Variants in LY75 observed in about 807,000 individuals in gnomAD.
LY75 encodes the protein C-type lectin domain family 13 member B.
A neutral mutation model predicts 231.7 loss-of-function variants in LY75; 185 were observed. The observed-to-expected ratio is 0.80, with a 90% CI of 0.71 to 0.90. The LOEUF (loss-of-function observed/expected upper bound fraction) is 0.90. Ranked by LOEUF, LY75 falls within the 40% of genes least tolerant of loss-of-function variation. The pLI is 0.00. For missense variants in LY75, 1,947 were observed against 2,050.2 expected, an observed-to-expected ratio of 0.95 and a Z score of 0.97; for synonymous variants, 668 against 689.0, an observed-to-expected ratio of 0.97 and a Z score of 0.48.
chr2:159,835,179 G>C (rs1683782161), intron 26 of LY75, among the ~76,000 whole-genome samples: 1 of 152,138 alleles, frequency 6.6e-6, no homozygotes, highest in Admixed American at 6.5e-5. Flanking sequence ...ACAAATGTAA[G>C]CTTTCTACAA....
intron 32 of LY75, among the ~76,000 whole-genome samples, chr2:159,809,583 G>A (rs772645328): frequency 5.3e-5 from 8 of 152,106 alleles, no homozygotes; most frequent in African/African-American, 9.6e-5. Context: ...AGGTAAAACC[G>A]TTTCCAATCA....
intron 18 of LY75, 62 bp from the exon 19 acceptor site, chr2:159,853,759 G>T: frequency 6.2e-7 from 1 of 1,602,106 alleles, no homozygotes; most frequent in South Asian, 1.1e-5. Flanking sequence ...GTTTTGATTC[G>T]AATACATTGT....
intron 1 of LY75, 110 bp downstream of exon 1, chr2:159,904,479 A>C: frequency 8.1e-7 from 1 of 1,234,930 alleles, no homozygotes; most frequent in Non-Finnish European, 1.1e-6. Context: ...CCCAACAGCA[A>C]AGCAGCCGTG....
rs1406449571 is a variant in LY75 at position 159,816,887 on chromosome 2, G to A, written c.4299C>T (p.His1433=). ...SQSGGHLASV[H]NQNGQLFLED... is the part of the protein sequence containing the mutation. Reference sequence around the variant, plus strand: ...CCAGAAAGAGCTGGCCATTTTGGTTGTGAACGCTTGCCAAGTGACCTCCAC... The same window carrying A: ...CCAGAAAGAGCTGGCCATTTTGGTTATGAACGCTTGCCAAGTGACCTCCAC... The change falls in exon 30 of 35, where the codon CAC becomes CAT. Residue 1433 remains histidine (H), a synonymous_variant. Transcript: ENST00000263636. The A allele has an allele frequency of 1.2e-6, 2 of 1,614,170 alleles. No individual in the cohort carries two copies. Among genetic ancestry groups the A allele is most frequent in the African/African-American group, 2.7e-5 (2 of 75,040 alleles).
At chr2:159,808,839 C>G (rs1412150414) in intron 32 of LY75, among the ~76,000 whole-genome samples, 2 of 152,106 alleles carry the variant, frequency 1.3e-5, no homozygotes, top group Non-Finnish European at 2.9e-5. Flanking sequence ...ACTGCCTACC[C>G]CTGAGACCTC....
chr2:159,890,475 T>A, intron 3 of LY75, 98 bp from the exon 4 acceptor site: 1 of 1,527,616 alleles, frequency 6.5e-7, no homozygotes, highest in Non-Finnish European at 8.9e-7. Context: ...TGCATACTCT[T>A]AGGATATGCC....
chr2:159,859,868 A>G (rs1467871662), intron 15 of LY75, among the ~76,000 whole-genome samples: 2 of 152,206 alleles, frequency 1.3e-5, no homozygotes, highest in African/African-American at 4.8e-5. Context: ...AATCAGTGTT[A>G]GCTGCTCCAT....
intron 2 of LY75, among the ~76,000 whole-genome samples, chr2:159,896,997 C>A (rs1685924441): frequency 6.6e-6 from 1 of 152,146 alleles, no homozygotes. Flanking sequence ...TTGCTTAGCT[C>A]TCTCTGGGTG....
intron 25 of LY75, among the ~76,000 whole-genome samples, chr2:159,837,600 T>C (rs1463323562): frequency 6.7e-6 from 1 of 150,334 alleles, no homozygotes; most frequent in Non-Finnish European, 1.5e-5. Flanking sequence ...CCACAGTGTA[T>C]GTATTGTAAC....
At chr2:159,856,736 AATTG>A (rs1684559200) in intron 16 of LY75, among the ~76,000 whole-genome samples, 1 of 152,112 alleles carries the variant, frequency 6.6e-6, no homozygotes, top group African/African-American at 2.4e-5. Context: ...TTGTTCGATT[AATTG>A]ATTTATATTT....
chr2:159,883,312 GTT>G (rs1685495023), intron 6 of LY75, among the ~76,000 whole-genome samples: 2 of 151,606 alleles, frequency 1.3e-5, no homozygotes, highest in Non-Finnish European at 2.9e-5. Flanking sequence ...AATGTGGACA[GTT>G]TGTTTTTTTT....
chr2:159,817,101 C>G, intron 29 of LY75, 69 bp from the exon 30 acceptor site: 1 of 1,415,384 alleles, frequency 7.1e-7, no homozygotes, highest in Non-Finnish European at 9.4e-7. Context: ...GATGAGACAA[C>G]ATGCAATCAT....
chr2:159,848,091 T>TACACACACACACACACACACACAC (rs1427865594), intron 23 of LY75, among the ~76,000 whole-genome samples: 1 of 8,286 alleles, frequency 1.2e-4, no homozygotes, highest in African/African-American at 3.7e-4. Context: ...TATATATATA[T>TACACACACACACACACACACACAC]ATACACACAC....
rs796940571 is a variant in LY75, at chr2:159,850,789, T to TATATATATATATATATAAAA, written c.2884-323_2884-322insTTTTATATATATATATATAT. Among the ~76,000 whole-genome samples the TATATATATATATATATAAAA allele has an allele frequency of 1.5e-3, 134 of 88,662 alleles. 5 individuals carry two copies. Among genetic ancestry groups the TATATATATATATATATAAAA allele is most frequent in the Non-Finnish European group, 2.7e-3 (104 of 38,300 alleles). The allele number at this position is 88,662 out of a possible 152,430, so 58.2% of individuals were successfully genotyped here. A position where few individuals can be genotyped will look rare whatever the true frequency, so the allele number is the denominator to read the frequency against. On this transcript the variant is annotated intron_variant, in intron 21 of 34. Coordinates refer to ENST00000263636, the MANE Select transcript of LY75 (RefSeq NM_002349.4). ...TCAAACTTTCATATATATATATATA[T>TATATATATATATATATAAAA]ATATATATATTATATCTTATATATA...
At chr2:159,876,181 T>G (rs532653139) in intron 11 of LY75, among the ~76,000 whole-genome samples, 2 of 152,202 alleles carry the variant, frequency 1.3e-5, no homozygotes, top group African/African-American at 4.8e-5. Flanking sequence ...CATAATTTTA[T>G]GTATTCATAA....
At chr2:159,887,282 G>A (rs12692572) in intron 4 of LY75, among the ~76,000 whole-genome samples, 61,471 of 148,270 alleles carry the variant, frequency 0.41, 13,303 homozygotes, top group South Asian at 0.68. Flanking sequence ...ATTCAAATTT[G>A]TTATTTGATG....
intron 23 of LY75, among the ~76,000 whole-genome samples, chr2:159,848,068 GTA>G (rs557189751): frequency 0.015 from 1,899 of 123,848 alleles, 118 homozygotes; most frequent in African/African-American, 0.06. Context: ...ATTATGGTGT[GTA>G]TATATATATA....
At chr2:159,813,646 CT>C (rs1386167601) in intron 31 of LY75, among the ~76,000 whole-genome samples, 1 of 152,086 alleles carries the variant, frequency 6.6e-6, no homozygotes, top group Admixed American at 6.5e-5. Flanking sequence ...CTGTATCTCC[CT>C]CTTATAAGGA....
intron 4 of LY75, among the ~76,000 whole-genome samples, chr2:159,887,100 C>A (rs1359811191): frequency 2.7e-5 from 4 of 147,838 alleles, no homozygotes; most frequent in African/African-American, 9.9e-5. Context: ...GTTTCATAGA[C>A]AATGGAATAT....
Sources: allele counts gnomAD v4.1 joint callset (sites outside exome capture counted in the v4.1 genomes callset), GRCh38; gene constraint gnomAD v4.1.1; transcripts MANE v1.5; gene names NCBI Gene and HGNC (gene_info 2026-07-23, HGNC 2026-07-21).